Variants in NDUFS4 observed in about 807,000 individuals in gnomAD.
NDUFS4 encodes the protein NADH:ubiquinone oxidoreductase subunit S4.
In NDUFS4, 28 loss-of-function variants were observed where a neutral mutation model predicts 24.3. That is an observed-to-expected ratio of 1.15 (90% CI 0.85 to 1.58). The LOEUF (loss-of-function observed/expected upper bound fraction) is 1.58, where lower values mean the gene tolerates loss of function less well. NDUFS4 is among the 40% of genes most tolerant of loss of function. The probability of loss-of-function intolerance (pLI) is 0.00; values close to 1 mark genes in which losing one functional copy is unlikely to be tolerated. For synonymous variants in NDUFS4, 93 were observed against 69.7 expected, an observed-to-expected ratio of 1.34 and a Z score of -1.67; for missense variants, 223 against 207.9, an observed-to-expected ratio of 1.07 and a Z score of -0.45.
At chr5:53,578,391 A>C (rs1029985181) in intron 1 of NDUFS4, among the ~76,000 whole-genome samples, 3 of 152,162 alleles carry the variant, frequency 2.0e-5, no homozygotes, top group Non-Finnish European at 4.4e-5. Context: ...GCTTTGGGAA[A>C]GACTACTTTC....
At chr5:53,660,623 A>G (rs1277701608) in intron 4 of NDUFS4, among the ~76,000 whole-genome samples, 1 of 152,134 alleles carries the variant, frequency 6.6e-6, no homozygotes, top group African/African-American at 2.4e-5. Flanking sequence ...CCGACAGTGT[A>G]AAAGTGTTCC....
chr5:53,649,166 G>A (rs1458656151), intron 3 of NDUFS4, among the ~76,000 whole-genome samples: 1 of 152,072 alleles, frequency 6.6e-6, no homozygotes, highest in Non-Finnish European at 1.5e-5. Flanking sequence ...TGGAAATTTT[G>A]CCCTTTAGTC....
At chr5:53,672,352 G>T (rs1740301864) in intron 4 of NDUFS4, among the ~76,000 whole-genome samples, 2 of 152,094 alleles carry the variant, frequency 1.3e-5, no homozygotes, top group African/African-American at 2.4e-5. Context: ...AACCAGTTCA[G>T]AGTAAAAGTC....
At chr5:53,608,017 T>C (rs902953697) in intron 2 of NDUFS4, among the ~76,000 whole-genome samples, 4 of 152,210 alleles carry the variant, frequency 2.6e-5, no homozygotes, top group Admixed American at 6.5e-5. Flanking sequence ...TATTATGTGA[T>C]AGATATTTAT....
intron 4 of NDUFS4, among the ~76,000 whole-genome samples, chr5:53,662,399 T>C: frequency 6.6e-6 from 1 of 152,186 alleles, no homozygotes; most frequent in Non-Finnish European, 1.5e-5. Context: ...GGTTTGCCAG[T>C]ATTTTATTGA....
At chr5:53,562,035 A>T (rs894329369) in intron 1 of NDUFS4, among the ~76,000 whole-genome samples, 3 of 150,930 alleles carry the variant, frequency 2.0e-5, no homozygotes, top group Admixed American at 2.0e-4. Flanking sequence ...ATACATTCTC[A>T]CTCTGACGCC....
At chr5:53,667,340 C>T (rs555803167) in intron 4 of NDUFS4, among the ~76,000 whole-genome samples, 2 of 152,206 alleles carry the variant, frequency 1.3e-5, no homozygotes, top group South Asian at 4.1e-4. Flanking sequence ...TGGCACATGC[C>T]TGTAATCCCA....
chr5:53,617,707 C>G (rs1379953030), intron 2 of NDUFS4, among the ~76,000 whole-genome samples: 1 of 152,070 alleles, frequency 6.6e-6, no homozygotes, highest in Non-Finnish European at 1.5e-5. Context: ...GTCATATTTC[C>G]TCTTTTGTAA....
At chr5:53,666,190 C>T (rs1240451802) in intron 4 of NDUFS4, among the ~76,000 whole-genome samples, 1 of 152,090 alleles carries the variant, frequency 6.6e-6, no homozygotes, top group Non-Finnish European at 1.5e-5. Flanking sequence ...TCTTTTCAGC[C>T]TATTATATTT....
At chr5:53,632,132 G>A (rs554605974) in intron 2 of NDUFS4, among the ~76,000 whole-genome samples, 1 of 152,210 alleles carries the variant, frequency 6.6e-6, no homozygotes, top group Non-Finnish European at 1.5e-5. Flanking sequence ...GCTGGGAGCT[G>A]CAGACCAGAG....
chr5:53,632,425 C>T (rs1318328298), intron 2 of NDUFS4, among the ~76,000 whole-genome samples: 1 of 152,164 alleles, frequency 6.6e-6, no homozygotes, highest in Non-Finnish European at 1.5e-5. Context: ...TTTACTCTGA[C>T]TTGTTAGAAC....
intron 2 of NDUFS4, among the ~76,000 whole-genome samples, chr5:53,607,567 C>A (rs879884361): frequency 8.5e-5 from 13 of 152,052 alleles, no homozygotes; most frequent in African/African-American, 3.1e-4. Context: ...AATATATTAA[C>A]GTTTGGAATA....
chr5:53,575,026 A>G (rs939950155), intron 1 of NDUFS4, among the ~76,000 whole-genome samples: 4 of 152,142 alleles, frequency 2.6e-5, no homozygotes, highest in Non-Finnish European at 4.4e-5. Context: ...GCACATTTCC[A>G]TTGTTGCCAC....
intron 2 of NDUFS4, among the ~76,000 whole-genome samples, chr5:53,622,522 C>A (rs1022222201): frequency 6.6e-6 from 1 of 151,960 alleles, no homozygotes; most frequent in Non-Finnish European, 1.5e-5. Context: ...ATTATGAGGG[C>A]CTTACTCATG....
At chr5:53,588,114 T>G (rs1749826184) in intron 1 of NDUFS4, among the ~76,000 whole-genome samples, 1 of 152,136 alleles carries the variant, frequency 6.6e-6, no homozygotes, top group Non-Finnish European at 1.5e-5. Context: ...GTAAAGCGAG[T>G]CACACAAATT....
chr5:53,612,104 TA>T (rs1750715165), intron 2 of NDUFS4, among the ~76,000 whole-genome samples: 1 of 152,086 alleles, frequency 6.6e-6, no homozygotes, highest in Non-Finnish European at 1.5e-5. Flanking sequence ...AATTTATTAG[TA>T]AAAATGACAC....
intron 1 of NDUFS4, among the ~76,000 whole-genome samples, chr5:53,595,560 A>G (rs1320636078): frequency 6.6e-6 from 1 of 152,164 alleles, no homozygotes; most frequent in Admixed American, 6.5e-5. Context: ...TCTCATGTAT[A>G]TTTATTTTGA....
At chr5:53,612,657 A>G (rs1276117647) in intron 2 of NDUFS4, among the ~76,000 whole-genome samples, 1 of 152,128 alleles carries the variant, frequency 6.6e-6, no homozygotes, top group Non-Finnish European at 1.5e-5. Context: ...GCAATTAAAC[A>G]GCACTTAAGC....
At chr5:53,625,514 C>A (rs1234838646) in intron 2 of NDUFS4, among the ~76,000 whole-genome samples, 2 of 152,120 alleles carry the variant, frequency 1.3e-5, no homozygotes, top group Admixed American at 1.3e-4. Context: ...TATTTTCCAG[C>A]CAGTCACTGA....
Sources: gnomAD v4.1 joint callset for allele counts (sites outside exome capture counted in the v4.1 genomes callset) on GRCh38, gnomAD v4.1.1 for gene constraint, MANE v1.5 for transcripts, NCBI Gene and HGNC (gene_info 2026-07-23, HGNC 2026-07-21) for gene names.